TNFRSF8: variants seen among roughly 807,000 people sequenced by gnomAD.
TNFRSF8 encodes the protein tumor necrosis factor receptor superfamily member 8.
In TNFRSF8, 26 loss-of-function variants were observed where a neutral mutation model predicts 70.8. That is an observed-to-expected ratio of 0.37 (90% CI 0.27 to 0.51). TNFRSF8 has a LOEUF of 0.51. Ranked by LOEUF, TNFRSF8 falls within the 20% of genes least tolerant of loss-of-function variation. TNFRSF8 has a pLI of 0.94. For missense variants in TNFRSF8, 720 were observed against 807.9 expected (o/e 0.89, Z 1.32); for synonymous variants, 356 against 339.2 (o/e 1.05, Z -0.54).
chr1:12,135,545 C>T, intron 12 of TNFRSF8, 43 bp from the exon 13 acceptor site: 1 of 1,612,724 alleles, frequency 6.2e-7, no homozygotes, highest in Non-Finnish European at 8.5e-7. Context: ...GGGCCGGGGG[C>T]TGCCAGACTC....
At chr1:12,125,069 A>T (rs1370492318) in intron 10 of TNFRSF8, among the ~76,000 whole-genome samples, 1 of 152,172 alleles carries the variant, frequency 6.6e-6, no homozygotes, top group Admixed American at 6.5e-5. Context: ...CCCATCCCAG[A>T]CCTAGAGAAT....
rs542408958 is a variant in TNFRSF8, at chr1:12,108,824, T to C, written c.422-742T>C. On this transcript the variant is annotated intron_variant, in intron 4 of 14. Transcript: ENST00000263932. This position sits in a 1 kb window ranked among gnomAD's most constrained non-coding sequence, Gnocchi z 4.0. ...TAAGACTCTGTCTCAAATAAATAAA[T>C]AAACAAGTAAATAAAATGGACTTTC... Among the ~76,000 whole-genome samples, 2 of 152,034 alleles carry C rather than the reference T, an allele frequency of 1.3e-5. No homozygotes were observed. Among genetic ancestry groups the C allele is most frequent in the South Asian group, 4.2e-4 (2 of 4,802 alleles).
chr1:12,128,152 T>C (rs1359915552), intron 12 of TNFRSF8, among the ~76,000 whole-genome samples: 2 of 152,240 alleles, frequency 1.3e-5, no homozygotes, highest in Admixed American at 6.5e-5. Context: ...GTTCGTTCAT[T>C]CATCTATTCA....
intron 12 of TNFRSF8, among the ~76,000 whole-genome samples, chr1:12,133,981 A>G (rs1642100043): frequency 6.6e-6 from 1 of 152,202 alleles, no homozygotes; most frequent in Non-Finnish European, 1.5e-5. Flanking sequence ...CAGAGGTTGC[A>G]GTGAGCCAAG....
At chr1:12,086,192 C>T (rs554578723) in intron 2 of TNFRSF8, among the ~76,000 whole-genome samples, 1 of 152,266 alleles carries the variant, frequency 6.6e-6, no homozygotes, top group South Asian at 2.1e-4. Flanking sequence ...GCCTCAACTC[C>T]CCCATGAGAT....
chr1:12,110,286 G>C lies in TNFRSF8; in HGVS notation c.676+82G>C, dbSNP rs1641606863. On this transcript the variant is annotated intron_variant, in intron 6 of 14. Coordinates refer to ENST00000263932, the MANE Select transcript of TNFRSF8 (RefSeq NM_001243.5). This position sits in a 1 kb window ranked among gnomAD's most constrained non-coding sequence, Gnocchi z 4.0. ...CCCATGAGTGGGGGTGTTTGGAGCA[G>C]GCGGGCAGTGATCTGTGGTCTTTTC... 1.4e-6 allele frequency: 2 copies of C among 1,389,592 alleles called. No individual in the cohort carries two copies. Among genetic ancestry groups the C allele is most frequent in the East Asian group, 2.4e-5 (1 of 41,152 alleles). 86.1% of individuals were successfully genotyped at this position (1,389,592 alleles called of 1,614,324 possible).
chr1:12,106,898 G>A (rs1357774962), intron 4 of TNFRSF8, among the ~76,000 whole-genome samples: 1 of 152,244 alleles, frequency 6.6e-6, no homozygotes, highest in African/African-American at 2.4e-5. Context: ...CTTCCCAAAA[G>A]TTTCCAGCTC....
chr1:12,090,902 C>A lies in TNFRSF8; in HGVS notation c.152-6199C>A, dbSNP rs140899801. On this transcript the variant is annotated intron_variant, in intron 2 of 14. Transcript: ENST00000263932. ...TTAACCCCAGAATCTCAGAGTGTGA[C>A]CTTATTCGGAGATGGGGTCTTTAAA... Among the ~76,000 whole-genome samples the A allele has an allele frequency of 1.4e-3, 207 of 152,196 alleles. 2 individuals are homozygous for A. The highest frequency in any genetic ancestry group is 4.8e-3 in the African/African-American group (198 of 41,506).
rs1187400429 is a variant in TNFRSF8 at position 12,063,463 on chromosome 1, C to T, written c.-136C>T. On this transcript the variant is annotated 5_prime_UTR_variant, in exon 1 of 15. Coordinates refer to ENST00000263932, the MANE Select transcript of TNFRSF8 (RefSeq NM_001243.5). This position sits in a 1 kb window ranked among gnomAD's most constrained non-coding sequence, Gnocchi z 7.2. The stretch of plus-strand genomic sequence containing the variant: ...GTGCGTTGGGTGCGGACTAGGTGGC[C>T]GCGGCGGGAGTGTGCTGGAGCCTGA... The T allele has an allele frequency of 1.0e-5, 7 of 683,946 alleles. No homozygotes were observed. The highest frequency in any genetic ancestry group is 1.2e-5 in the Non-Finnish European group (6 of 484,476). 42.4% of individuals were successfully genotyped at this position (683,946 alleles called of 1,614,324 possible).
At chr1:12,139,943 G>T (rs1329931859) in intron 14 of TNFRSF8, among the ~76,000 whole-genome samples, 1 of 152,238 alleles carries the variant, frequency 6.6e-6, no homozygotes, top group Non-Finnish European at 1.5e-5. Context: ...AGCCTGGGCA[G>T]TCTTTTGTAA....
intron 1 of TNFRSF8, among the ~76,000 whole-genome samples, chr1:12,079,129 C>T (rs1435285693): frequency 2.6e-5 from 4 of 152,228 alleles, no homozygotes; most frequent in African/African-American, 4.8e-5. Flanking sequence ...CTTCTAGACT[C>T]GTCTCCCACA....
At chr1:12,083,849 G>A (rs1641106374) in intron 1 of TNFRSF8, among the ~76,000 whole-genome samples, 1 of 152,206 alleles carries the variant, frequency 6.6e-6, no homozygotes. Flanking sequence ...GCAGGGGAAT[G>A]GACTGCGTAA....
chr1:12,125,790 A>T, intron 10 of TNFRSF8, 161 bp from the exon 11 acceptor site: 1 of 689,434 alleles, frequency 1.5e-6, no homozygotes, highest in Non-Finnish European at 2.6e-6. Flanking sequence ...GAGCCAGGCG[A>T]GGGAGGGCTG....
At chr1:12,071,638 A>C (rs1390428819) in intron 1 of TNFRSF8, among the ~76,000 whole-genome samples, 1 of 150,908 alleles carries the variant, frequency 6.6e-6, no homozygotes, top group African/African-American at 2.4e-5. Context: ...CTCTCGGCTC[A>C]CTGCAACCTC....
At chr1:12,115,776 C>A in intron 8 of TNFRSF8, 47 bp downstream of exon 8, 1 of 1,596,418 alleles carries the variant, frequency 6.3e-7, no homozygotes, top group Middle Eastern at 1.7e-4. Context: ...GGAGTCTGTG[C>A]CCCCACTGTT....
chr1:12,105,863 T>C (rs1641512653), intron 4 of TNFRSF8, among the ~76,000 whole-genome samples: 1 of 143,234 alleles, frequency 7.0e-6, no homozygotes, highest in Non-Finnish European at 1.5e-5. Flanking sequence ...CACTTGAACC[T>C]GGGAGGCGGT....
intron 10 of TNFRSF8, among the ~76,000 whole-genome samples, chr1:12,124,875 AAAC>A (rs1292140860): frequency 2.8e-5 from 4 of 143,686 alleles, no homozygotes; most frequent in Non-Finnish European, 3.0e-5. Context: ...AAACAAAACA[AAAC>A]AAACAAAACC....
intron 10 of TNFRSF8, among the ~76,000 whole-genome samples, chr1:12,124,806 A>T (rs1641901484): frequency 6.6e-6 from 1 of 151,442 alleles, no homozygotes; most frequent in Non-Finnish European, 1.5e-5. Flanking sequence ...CTCCAGCCTG[A>T]GCAGCAGAAT....
At chr1:12,126,082 G>A in intron 11 of TNFRSF8, 30 bp downstream of exon 11, 1 of 1,611,992 alleles carries the variant, frequency 6.2e-7, no homozygotes, top group Non-Finnish European at 8.5e-7. Context: ...GGGCCTTGGG[G>A]AGGACAGGTT....
Sources: allele counts gnomAD v4.1 joint callset (sites outside exome capture counted in the v4.1 genomes callset), GRCh38; gene constraint gnomAD v4.1.1; non-coding constraint Gnocchi (gnomAD v3.1); transcripts MANE v1.5; gene names NCBI Gene and HGNC (gene_info 2026-07-23, HGNC 2026-07-21).